Variants in NPIPB2 observed in about 807,000 individuals in gnomAD.
NPIPB2 encodes the protein nuclear pore complex interacting protein family member B2, also known as nuclear pore complex-interacting protein family member B2.
NPIPB2 carries 27 observed loss-of-function variants against 30.8 expected under a neutral mutation model. That is an observed-to-expected ratio of 0.88 (90% CI 0.65 to 1.21). The LOEUF (loss-of-function observed/expected upper bound fraction) is 1.21, where lower values mean the gene tolerates loss of function less well. Among genes scored for constraint, NPIPB2 ranks in the 50% most tolerant of loss-of-function variants. The pLI is 0.00. For synonymous variants in NPIPB2, 147 were observed against 162.0 expected, an observed-to-expected ratio of 0.91 and a Z score of 0.70; for missense variants, 440 against 446.2, an observed-to-expected ratio of 0.99 and a Z score of 0.13.
chr16:11,966,207 C>A, intron 1 of NPIPB2: 1 of 1,613,004 alleles, frequency 6.2e-7, no homozygotes, highest in South Asian at 1.1e-5. Flanking sequence ...GTGACCAATT[C>A]AGTGAAAGGA....
At chr16:11,976,611 C>A (rs987131633) in exon 1 of NPIPB2, 2 of 369,042 alleles carry the variant, frequency 5.4e-6, no homozygotes, top group African/African-American at 4.2e-5. Context: ...CTCTCCACAC[C>A]GGGTCCGGCG....
At chr16:11,964,868 T>C (rs1336387570) in intron 1 of NPIPB2, among the ~76,000 whole-genome samples, 1 of 152,184 alleles carries the variant, frequency 6.6e-6, no homozygotes, top group Admixed American at 6.6e-5. Flanking sequence ...CTGGCCTCAA[T>C]GTTAAGATCT....
At chr16:11,958,879 A>AT (rs1417577652) in intron 1 of NPIPB2, among the ~76,000 whole-genome samples, 23 of 152,218 alleles carry the variant, frequency 1.5e-4, no homozygotes, top group Non-Finnish European at 3.4e-4. Context: ...ACTTTGCACA[A>AT]TTATTGCAGG....
chr16:11,965,283 A>C, intron 1 of NPIPB2: 1 of 1,612,588 alleles, frequency 6.2e-7, no homozygotes, highest in Non-Finnish European at 8.5e-7. Context: ...TTGTCCTTCC[A>C]GGCTGTTCTT....
chr16:11,973,801 A>G (rs1225667260), intron 1 of NPIPB2, among the ~76,000 whole-genome samples: 1 of 152,098 alleles, frequency 6.6e-6, no homozygotes, highest in East Asian at 1.9e-4. Context: ...CAGCCAAATT[A>G]TCACAAGGCT....
chr16:11,966,062 G>GA, intron 1 of NPIPB2: 1 of 809,344 alleles, frequency 1.2e-6, no homozygotes, highest in South Asian at 2.7e-5. Flanking sequence ...AGTGAGCCGA[G>GA]ATCGCGCCAC....
intron 1 of NPIPB2, among the ~76,000 whole-genome samples, chr16:11,947,642 C>T (rs2055025220): frequency 6.6e-6 from 1 of 151,548 alleles, no homozygotes; most frequent in African/African-American, 2.4e-5. Context: ...CCGCTCCTGG[C>T]CACATATACA....
At chr16:11,934,489 G>T (rs1339674669) in intron 2 of NPIPB2, among the ~76,000 whole-genome samples, 2 of 148,120 alleles carry the variant, frequency 1.4e-5, no homozygotes, top group African/African-American at 2.5e-5. Flanking sequence ...GCAGGAAAAG[G>T]TTGTGGTGAG....
chr16:11,938,318 TTTTTTG>T lies in NPIPB2; in HGVS notation c.64-656_64-651del, dbSNP rs940605912. 7.7e-5 allele frequency among the ~76,000 whole-genome samples: 11 copies of T among 142,110 alleles called. No individual in the cohort carries two copies. In the East Asian group the frequency reaches 1.9e-3, roughly 25 times the overall value. The allele number at this position is 142,110 out of a possible 152,430, so 93.2% of individuals were successfully genotyped here. A position where few individuals can be genotyped will look rare whatever the true frequency, so the allele number is the denominator to read the frequency against. On this transcript the variant is annotated intron_variant, in intron 1 of 7. Transcript: ENST00000399147. The stretch of plus-strand genomic sequence containing the variant: ...GGTGTGAGCCACCGTGCCCGGCCAT[TTTTTTG>T]TTTTTGTTTTTGTTTGTTGTTTTTG...
upstream of NPIPB2, among the ~76,000 whole-genome samples, chr16:11,946,951 C>G (rs2055016553): frequency 6.6e-6 from 1 of 150,760 alleles, no homozygotes; most frequent in African/African-American, 2.4e-5. Context: ...AACTCCTGAC[C>G]TGAGGTGTGA....
exon 3 of NPIPB2, chr16:11,933,916 G>T (rs191739467): frequency 1.3e-6 from 2 of 1,541,124 alleles, no homozygotes; most frequent in Non-Finnish European, 1.8e-6. Flanking sequence ...TAGTCTTCAG[G>T]AAAGACAACT....
At chr16:11,950,870 A>T (rs2055055268) in intron 1 of NPIPB2, among the ~76,000 whole-genome samples, 1 of 152,124 alleles carries the variant, frequency 6.6e-6, no homozygotes, top group Non-Finnish European at 1.5e-5. Context: ...CTCAGCATCT[A>T]ACTGAGAAGG....
At chr16:11,964,245 T>C (rs11570129) in intron 1 of NPIPB2, among the ~76,000 whole-genome samples, 46 of 152,178 alleles carry the variant, frequency 3.0e-4, no homozygotes, top group African/African-American at 1.1e-3. Context: ...TCTGCTCATC[T>C]GTATTTCTAA....
At chr16:11,975,777 G>A (rs764000194) in intron 1 of NPIPB2, among the ~76,000 whole-genome samples, 2 of 152,008 alleles carry the variant, frequency 1.3e-5, no homozygotes, top group Admixed American at 6.6e-5. Context: ...TTTTAGTAGA[G>A]ATGGGGTTTC....
intron 1 of NPIPB2, chr16:11,965,473 A>G: frequency 6.2e-7 from 1 of 1,612,870 alleles, no homozygotes; most frequent in Non-Finnish European, 8.5e-7. Flanking sequence ...TATTGCTTGA[A>G]CGATTATTCA....
intron 1 of NPIPB2, among the ~76,000 whole-genome samples, chr16:11,971,928 C>T (rs917828529): frequency 3.3e-5 from 5 of 151,016 alleles, no homozygotes; most frequent in Admixed American, 2.0e-4. Flanking sequence ...GGGTGGATCA[C>T]GAGGTCAGGA....
chr16:11,952,565 CTTT>C (rs3031202), intron 1 of NPIPB2, among the ~76,000 whole-genome samples: 49 of 109,860 alleles, frequency 4.5e-4, no homozygotes, highest in Admixed American at 7.4e-4. Flanking sequence ...CTTTCTTTCT[CTTT>C]TTTTTTTTTT....
intron 1 of NPIPB2, among the ~76,000 whole-genome samples, chr16:11,959,457 G>A (rs555527337): frequency 6.6e-6 from 1 of 152,024 alleles, no homozygotes; most frequent in South Asian, 2.1e-4. Context: ...ATGCATGGTG[G>A]CGTACTATCG....
intron 1 of NPIPB2, among the ~76,000 whole-genome samples, chr16:11,972,084 T>C (rs568919462): frequency 1.3e-5 from 2 of 152,044 alleles, no homozygotes; most frequent in East Asian, 3.9e-4. Context: ...AGACAGAGGT[T>C]GCAGTGAGCT....
Sources: gnomAD v4.1 joint callset for allele counts (sites outside exome capture counted in the v4.1 genomes callset) on GRCh38, gnomAD v4.1.1 for gene constraint, MANE v1.5 for transcripts, NCBI Gene and HGNC (gene_info 2026-07-23, HGNC 2026-07-21) for gene names.